Variants in KSR1 observed in about 807,000 individuals in gnomAD.
KSR1 encodes the protein kinase suppressor of ras.
In KSR1, 35 loss-of-function variants were observed where a neutral mutation model predicts 92.9. That is an observed-to-expected ratio of 0.38 (90% CI 0.29 to 0.50). The LOEUF (loss-of-function observed/expected upper bound fraction) is 0.50, where lower values mean the gene tolerates loss of function less well. KSR1 is among the 20% of genes least tolerant of loss of function. KSR1 has a pLI of 0.94. For missense variants in KSR1, 972 were observed against 1,158.5 expected (o/e 0.84, Z 2.34); for synonymous variants, 467 against 472.6 (o/e 0.99, Z 0.15).
chr17:27,538,406 G>A (rs1437058176), intron 1 of KSR1, among the ~76,000 whole-genome samples: 2 of 152,154 alleles, frequency 1.3e-5, no homozygotes, highest in East Asian at 1.9e-4. Flanking sequence ...AGGAGGTGTT[G>A]GGCAGCCCCA....
At chr17:27,584,021 T>C in intron 4 of KSR1, 1 of 968,600 alleles carries the variant, frequency 1.0e-6, no homozygotes, top group Non-Finnish European at 1.2e-6. Flanking sequence ...ATAGTTTATC[T>C]TGTCCCTTCT....
chr17:27,480,758 G>A (rs2068487390), intron 1 of KSR1, among the ~76,000 whole-genome samples: 1 of 152,156 alleles, frequency 6.6e-6, no homozygotes, highest in African/African-American at 2.4e-5. Context: ...ATGAAAGAAG[G>A]AACAAAGCAA....
intron 1 of KSR1, among the ~76,000 whole-genome samples, chr17:27,531,557 T>G (rs75379559): frequency 7.4e-5 from 4 of 54,354 alleles, no homozygotes; most frequent in African/African-American, 4.5e-4. Flanking sequence ...GGCGAGTGCT[T>G]GGGGGAGAAC....
chr17:27,540,013 C>G (rs144486307), intron 1 of KSR1, among the ~76,000 whole-genome samples: 18 of 152,358 alleles, frequency 1.2e-4, no homozygotes, highest in Non-Finnish European at 2.2e-4. Context: ...GGCCCTTGGC[C>G]ATTCACTCTG....
intron 2 of KSR1, among the ~76,000 whole-genome samples, chr17:27,557,376 C>G (rs1405020067): frequency 1.3e-5 from 2 of 152,232 alleles, no homozygotes; most frequent in African/African-American, 4.8e-5. Context: ...GTCATGGCAT[C>G]TGTCCCCTCT....
intron 10 of KSR1, among the ~76,000 whole-genome samples, chr17:27,599,440 C>T (rs1255066713): frequency 6.6e-6 from 1 of 152,148 alleles, no homozygotes; most frequent in Admixed American, 6.5e-5. Context: ...ACCTGTAGTC[C>T]CAGCTACTCA....
chr17:27,560,192 A>G (rs2071768567), intron 2 of KSR1: 1 of 320,218 alleles, frequency 3.1e-6, no homozygotes, highest in Non-Finnish European at 6.1e-6. Context: ...CCTGTCCCAC[A>G]AGTTACGTCT....
intron 1 of KSR1, among the ~76,000 whole-genome samples, chr17:27,547,679 G>A (rs991258545): frequency 1.1e-4 from 16 of 152,172 alleles, no homozygotes; most frequent in African/African-American, 3.9e-4. Context: ...AGTGCAGTCA[G>A]ACAAGGGATA....
At chr17:27,544,369 A>ATGT (rs2151073995) in intron 1 of KSR1, among the ~76,000 whole-genome samples, 1 of 152,342 alleles carries the variant, frequency 6.6e-6, no homozygotes, top group East Asian at 1.9e-4. Flanking sequence ...CTCTTTTTAT[A>ATGT]GGTGGTAAGA....
Position 27,619,920 on chromosome 17 carries a change from G to T in KSR1, c.2628-1273G>T, listed in dbSNP as rs141191694. Among the ~76,000 whole-genome samples, 285 of 152,244 alleles carry T rather than the reference G, an allele frequency of 1.9e-3. 1 individual carries two copies. Among genetic ancestry groups the T allele is most frequent in the African/African-American group, 6.5e-3 (269 of 41,548 alleles). On this transcript the variant is annotated intron_variant, in intron 19 of 20. Coordinates refer to ENST00000644974, the MANE Select transcript of KSR1 (RefSeq NM_001394583.1). Reference sequence around the variant, plus strand: ...GTAGAGATGGGGTTTCATCATGTTGGCCAGGGTGGTCTCAAACTCCAAACG... The same window carrying T: ...GTAGAGATGGGGTTTCATCATGTTGTCCAGGGTGGTCTCAAACTCCAAACG...
intron 1 of KSR1, among the ~76,000 whole-genome samples, chr17:27,506,348 C>T (rs1251093128): frequency 2.6e-5 from 4 of 152,224 alleles, no homozygotes; most frequent in Non-Finnish European, 5.9e-5. Context: ...ACTCATGACT[C>T]CACTGCAATA....
intron 1 of KSR1, among the ~76,000 whole-genome samples, chr17:27,483,230 C>G (rs1322704543): frequency 6.6e-6 from 1 of 152,114 alleles, no homozygotes; most frequent in African/African-American, 2.4e-5. Context: ...ATTATGTGCT[C>G]TTAAAAATAA....
At chr17:27,509,479 C>T (rs2948547) in intron 1 of KSR1, among the ~76,000 whole-genome samples, 37,802 of 151,252 alleles carry the variant, frequency 0.25, 4,906 homozygotes, top group Admixed American at 0.35. Flanking sequence ...TTAGGAGAGA[C>T]GGGGTTTCAC....
intron 1 of KSR1, among the ~76,000 whole-genome samples, chr17:27,529,960 G>A (rs1358250150): frequency 6.6e-6 from 1 of 152,126 alleles, no homozygotes; most frequent in Non-Finnish European, 1.5e-5. Context: ...TTTCTGTGTT[G>A]TTTGCAGGGC....
chr17:27,619,164 G>T (rs2074146946), intron 19 of KSR1, among the ~76,000 whole-genome samples: 1 of 152,150 alleles, frequency 6.6e-6, no homozygotes, highest in Non-Finnish European at 1.5e-5. Context: ...GTGTATGTGT[G>T]TCACTGAGTG....
At chr17:27,581,214 T>G (rs2072739165) in intron 3 of KSR1, among the ~76,000 whole-genome samples, 2 of 151,988 alleles carry the variant, frequency 1.3e-5, no homozygotes, top group South Asian at 4.2e-4. Context: ...CACACACTTT[T>G]AAACTCACTC....
intron 1 of KSR1, among the ~76,000 whole-genome samples, chr17:27,464,559 A>G (rs2019592082): frequency 1.3e-5 from 2 of 152,116 alleles, no homozygotes; most frequent in South Asian, 4.1e-4. Context: ...TGTCTCTACA[A>G]AAAATAAAAT....
chr17:27,605,673 G>C lies in KSR1; in HGVS notation c.1854G>C (p.Leu618=). The change falls in exon 14 of 21, where the codon CTG becomes CTC. Residue 618 remains leucine (L), a synonymous_variant. Coordinates refer to ENST00000644974, the MANE Select transcript of KSR1 (RefSeq NM_001394583.1). ...GGCATGGCGAGGTGGCCATTCGCCT[G>C]CTGGAGATGGACGGCCACAACCAGG... The part of the protein sequence containing the change: ...GRWHGEVAIR[L]LEMDGHNQDH... 4 of 1,612,626 alleles carry C rather than the reference G, an allele frequency of 2.5e-6. No individual in the cohort carries two copies. Among genetic ancestry groups the C allele is most frequent in the Non-Finnish European group, 3.4e-6 (4 of 1,179,810 alleles).
At chr17:27,609,653 A>T (rs916561093) in intron 16 of KSR1, among the ~76,000 whole-genome samples, 1 of 152,206 alleles carries the variant, frequency 6.6e-6, no homozygotes, top group Admixed American at 6.5e-5. Context: ...AGGGATTGGC[A>T]TAGGGAGAAA....
Sources: allele counts gnomAD v4.1 joint callset (sites outside exome capture counted in the v4.1 genomes callset), GRCh38; gene constraint gnomAD v4.1.1; transcripts MANE v1.5; gene names NCBI Gene and HGNC (gene_info 2026-07-23, HGNC 2026-07-21).